The following ADCY10 variants were observed in gnomAD, a reference collection of about 807,000 sequenced individuals.
The protein encoded by ADCY10 is adenylate cyclase type 10.
ADCY10 carries 156 observed loss-of-function variants against 183.3 expected under a neutral mutation model. That is an observed-to-expected ratio of 0.85 (90% confidence interval 0.75 to 0.97). The LOEUF is 0.97. ADCY10 is among the 50% of genes least tolerant of loss of function. The pLI is 0.00. For missense variants in ADCY10, 1,745 were observed against 1,934.3 expected, an observed-to-expected ratio of 0.90 and a Z score of 1.84; for synonymous variants, 645 against 670.0, an observed-to-expected ratio of 0.96 and a Z score of 0.58.
intron 31 of ADCY10, among the ~76,000 whole-genome samples, chr1:167,815,396 C>G (rs940489830): frequency 6.6e-6 from 1 of 152,186 alleles, no homozygotes; most frequent in East Asian, 1.9e-4. Context: ...TAGAGTCTAA[C>G]TGATCTTGGG....
intron 3 of ADCY10, 63 bp from the exon 4 acceptor site, chr1:167,902,117 T>C: frequency 2.0e-6 from 3 of 1,485,090 alleles, no homozygotes; most frequent in Middle Eastern, 1.8e-4. Context: ...AAAAACATCA[T>C]TCTTTCTTAG....
chr1:167,850,708 T>TGTGTGTGTG (rs1665416872), intron 18 of ADCY10, among the ~76,000 whole-genome samples: 1 of 141,288 alleles, frequency 7.1e-6, no homozygotes, highest in Non-Finnish European at 1.6e-5. Context: ...TGTGTGTGTG[T>TGTGTGTGTG]TGGGAGTAGG....
At position 167,856,414 on chromosome 1, in the gene ADCY10, A is replaced by C; in HGVS notation, c.1922T>G (p.Phe641Cys). ...KLIVKEERII[F>C]IIDEAQFVDS... ...CACAAACTGGGCCTCATCAATGATA[A>C]AAATAATCCTTTCCTCTTTCACTAT... The change falls in exon 17 of 33, where the codon TTT becomes TGT. Residue 641 changes from phenylalanine (F) to cysteine (C), a missense_variant. By Grantham distance (205) the Phe-to-Cys change is radical. Coordinates refer to ENST00000367851, the MANE Select transcript of ADCY10 (RefSeq NM_018417.6). 1 of 1,614,230 alleles carries C rather than the reference A, an allele frequency of 6.2e-7. No homozygotes were observed. Among genetic ancestry groups the C allele is most frequent in the Non-Finnish European group, 8.5e-7 (1 of 1,180,036 alleles).
At chr1:167,864,757 C>CT (rs1320909574) in intron 14 of ADCY10, among the ~76,000 whole-genome samples, 1 of 152,268 alleles carries the variant, frequency 6.6e-6, no homozygotes, top group African/African-American at 2.4e-5. Flanking sequence ...CTGTAACACT[C>CT]TAATACCACT....
intron 30 of ADCY10, among the ~76,000 whole-genome samples, chr1:167,821,643 T>C (rs751675295): frequency 6.6e-6 from 1 of 152,218 alleles, no homozygotes; most frequent in Non-Finnish European, 1.5e-5. Context: ...TCTTCCAACA[T>C]TGGCTTTGTC....
intron 31 of ADCY10, among the ~76,000 whole-genome samples, chr1:167,815,422 A>G (rs60050626): frequency 0.041 from 6,214 of 152,238 alleles, 448 homozygotes; most frequent in African/African-American, 0.14. Context: ...GGAATACCCA[A>G]CTAAACCCAG....
rs203842 is a variant in ADCY10, at chr1:167,878,759, C to A, written c.1217-124G>T. ...CTCCCTTTGCTGTTCATGAGTGACA[C>A]AGAAGCCTAGTCTCAAGACCCATAT... On this transcript the variant is annotated intron_variant, in intron 11 of 32. Transcript: ENST00000367851. The A allele has an allele frequency of 7.8e-3, 7,571 of 976,878 alleles. 166 individuals carry two copies. Among genetic ancestry groups the A allele is most frequent in the African/African-American group, 0.073 (4,470 of 61,648 alleles). 60.5% of individuals were successfully genotyped at this position (976,878 alleles called of 1,614,324 possible).
At chr1:167,869,237 T>A (rs1210682086) in intron 14 of ADCY10, among the ~76,000 whole-genome samples, 2 of 152,232 alleles carry the variant, frequency 1.3e-5, no homozygotes, top group African/African-American at 4.8e-5. Flanking sequence ...ACCTGCTTAC[T>A]GCTCCCTTGC....
At chr1:167,844,233 A>G (rs976687146) in intron 21 of ADCY10, among the ~76,000 whole-genome samples, 8 of 152,210 alleles carry the variant, frequency 5.3e-5, no homozygotes, top group African/African-American at 1.9e-4. Context: ...AGATGAGACT[A>G]TTGCTGAAGT....
At chr1:167,835,982 T>C (rs1470247619) in intron 23 of ADCY10, among the ~76,000 whole-genome samples, 1 of 152,196 alleles carries the variant, frequency 6.6e-6, no homozygotes, top group African/African-American at 2.4e-5. Flanking sequence ...TAAATGCCAC[T>C]TGAGGAAGAC....
At position 167,824,591 on chromosome 1, in the gene ADCY10, C is replaced by T. The variant is rs2101869695; in HGVS notation, c.3956-19G>A. 6.2e-7 allele frequency: 1 copy of T among 1,614,112 alleles called. No individual in the cohort carries two copies. Among genetic ancestry groups the T allele is most frequent in the East Asian group, 2.2e-5 (1 of 44,890 alleles). On this transcript the variant is annotated intron_variant, in intron 27 of 32. Transcript: ENST00000367851. ...CGGGAGCCTGGGAAGAAAACAATTC[C>T]AGTATATTGTGGGGCATTCCTTGTA...
chr1:167,858,145 A>G (rs1421920212), intron 16 of ADCY10, among the ~76,000 whole-genome samples: 2 of 152,142 alleles, frequency 1.3e-5, no homozygotes, highest in Non-Finnish European at 2.9e-5. Flanking sequence ...TATTATGTAC[A>G]ATTATGAGGC....
intron 6 of ADCY10, among the ~76,000 whole-genome samples, chr1:167,899,203 C>A (rs904592003): frequency 6.6e-6 from 1 of 152,188 alleles, no homozygotes; most frequent in Non-Finnish European, 1.5e-5. Context: ...CCTCAGTTAC[C>A]CATAAAGAAG....
At chr1:167,874,331 AAAAT>A (rs201527832) in intron 13 of ADCY10, among the ~76,000 whole-genome samples, 3 of 152,108 alleles carry the variant, frequency 2.0e-5, no homozygotes, top group African/African-American at 2.4e-5. Flanking sequence ...ACTCTGTCTC[AAAAT>A]AAATAAATAA....
intron 31 of ADCY10, among the ~76,000 whole-genome samples, chr1:167,813,082 G>T (rs12735367): frequency 0.22 from 33,871 of 151,840 alleles, 4,188 homozygotes; most frequent in African/African-American, 0.34. Flanking sequence ...GGACTAGAAA[G>T]AATATTTGAA....
intron 26 of ADCY10, 141 bp from the exon 27 acceptor site, chr1:167,824,996 A>G: frequency 2.3e-6 from 2 of 855,870 alleles, no homozygotes; most frequent in Non-Finnish European, 3.8e-6. Flanking sequence ...TGGGCTTAGA[A>G]ATAGAAATCA....
chr1:167,852,213 C>A (rs550830554), intron 18 of ADCY10, among the ~76,000 whole-genome samples: 1 of 152,186 alleles, frequency 6.6e-6, no homozygotes, highest in East Asian at 1.9e-4. Flanking sequence ...GAGCCCGAGG[C>A]GGGCAGATCA....
At chr1:167,908,064 T>C (rs1039507782) in intron 1 of ADCY10, among the ~76,000 whole-genome samples, 1 of 152,224 alleles carries the variant, frequency 6.6e-6, no homozygotes, top group Admixed American at 6.5e-5. Flanking sequence ...CATCTGGGTA[T>C]ATACCCAAAG....
At chr1:167,868,220 T>C (rs141016972) in intron 14 of ADCY10, among the ~76,000 whole-genome samples, 10 of 152,266 alleles carry the variant, frequency 6.6e-5, no homozygotes, top group Non-Finnish European at 1.3e-4. Flanking sequence ...TGTCACCTCA[T>C]GTTACGTTTG....
Sources: gnomAD v4.1 joint callset for allele counts (sites outside exome capture counted in the v4.1 genomes callset) on GRCh38, gnomAD v4.1.1 for gene constraint, MANE v1.5 for transcripts, NCBI Gene and HGNC (gene_info 2026-07-23, HGNC 2026-07-21) for gene names.